Variants in ST3GAL3 observed in about 807,000 individuals in gnomAD.
The protein encoded by ST3GAL3 is CMP-N-acetylneuraminate-beta-1,4-galactoside alpha-2,3-sialyltransferase.
Under a neutral mutation model 50.1 loss-of-function variants are expected in ST3GAL3, and 21 were observed. The ratio of observed to expected loss-of-function variants is 0.42; its 90% CI spans 0.30 to 0.60. ST3GAL3 has a LOEUF of 0.60. Among genes scored for constraint, ST3GAL3 ranks in the 20% least tolerant of loss-of-function variants. The pLI is 0.19. For synonymous variants in ST3GAL3, 183 were observed against 190.0 expected (o/e 0.96, Z 0.30); for missense variants, 353 against 489.4 (o/e 0.72, Z 2.63).
chr1:43,801,234 T>A (rs2059279609), intron 3 of ST3GAL3: 1 of 455,712 alleles, frequency 2.2e-6, no homozygotes, highest in Non-Finnish European at 4.4e-6. Context: ...GCAATATTTG[T>A]GGTTGTCATC....
At chr1:43,750,708 T>C (rs952802661) in intron 2 of ST3GAL3, among the ~76,000 whole-genome samples, 3 of 151,464 alleles carry the variant, frequency 2.0e-5, no homozygotes, top group African/African-American at 7.3e-5. Flanking sequence ...TAGGCAATAT[T>C]GGAAGACCCT....
At chr1:43,845,761 T>C (rs2066149999) in intron 5 of ST3GAL3, among the ~76,000 whole-genome samples, 2 of 152,136 alleles carry the variant, frequency 1.3e-5, no homozygotes. Context: ...ATTTCTCATA[T>C]AAACATTGTA....
chr1:43,841,536 G>A (rs557968369), intron 5 of ST3GAL3: 1 of 152,358 alleles, frequency 6.6e-6, no homozygotes, highest in Admixed American at 6.5e-5. Context: ...TTTGAGACAT[G>A]GCTAGAGCTG....
At chr1:43,768,710 A>T (rs1317478203) in intron 2 of ST3GAL3, among the ~76,000 whole-genome samples, 3 of 152,226 alleles carry the variant, frequency 2.0e-5, no homozygotes, top group Non-Finnish European at 4.4e-5. Flanking sequence ...ACATCATGGA[A>T]AACCTTAGAA....
chr1:43,781,850 T>C (rs888157659), intron 2 of ST3GAL3, among the ~76,000 whole-genome samples: 3 of 152,144 alleles, frequency 2.0e-5, no homozygotes, highest in African/African-American at 7.2e-5. Context: ...ATAAATCTAT[T>C]GGGCAATCTA....
intron 10 of ST3GAL3, 35 bp from the exon 11 acceptor site, chr1:43,920,747 G>A: frequency 1.2e-6 from 2 of 1,614,154 alleles, no homozygotes; most frequent in Non-Finnish European, 1.7e-6. Context: ...GCTGAACTCT[G>A]CATGCCTTCT....
At chr1:43,850,965 C>A in intron 5 of ST3GAL3, 1 of 960,552 alleles carries the variant, frequency 1.0e-6, no homozygotes, top group Non-Finnish European at 1.7e-6. Context: ...GCGGACTTGG[C>A]AGCCTCTCAG....
At chr1:43,869,535 T>G (rs1031392964) in intron 5 of ST3GAL3, among the ~76,000 whole-genome samples, 3 of 152,140 alleles carry the variant, frequency 2.0e-5, no homozygotes, top group Non-Finnish European at 4.4e-5. Flanking sequence ...AGGAGAAGCA[T>G]CTCCCCATTT....
intron 9 of ST3GAL3, among the ~76,000 whole-genome samples, chr1:43,908,547 G>A (rs772318992): frequency 2.6e-5 from 4 of 152,010 alleles, no homozygotes; most frequent in Non-Finnish European, 2.9e-5. Context: ...AAGAACCAAT[G>A]GCCTGCAGGA....
At chr1:43,861,364 T>G (rs1412801645) in intron 5 of ST3GAL3, among the ~76,000 whole-genome samples, 1 of 152,060 alleles carries the variant, frequency 6.6e-6, no homozygotes, top group African/African-American at 2.4e-5. Flanking sequence ...GTGGTAAGTG[T>G]GGTTCTGTCT....
At chr1:43,849,195 T>G (rs1355009764) in intron 5 of ST3GAL3, among the ~76,000 whole-genome samples, 1 of 151,890 alleles carries the variant, frequency 6.6e-6, no homozygotes, top group Non-Finnish European at 1.5e-5. Flanking sequence ...AATTCATCTA[T>G]TTTTGGTTTT....
intron 1 of ST3GAL3, among the ~76,000 whole-genome samples, chr1:43,725,993 T>C (rs1672757144): frequency 6.6e-6 from 1 of 152,150 alleles, no homozygotes; most frequent in African/African-American, 2.4e-5. Context: ...CATTTCTCTA[T>C]ACCATTAAAA....
intron 5 of ST3GAL3, among the ~76,000 whole-genome samples, chr1:43,876,549 G>A (rs1388758102): frequency 6.6e-6 from 1 of 152,204 alleles, no homozygotes; most frequent in East Asian, 1.9e-4. Context: ...TTGGGCCTGA[G>A]TCAGTAATGT....
chr1:43,814,064 G>C (rs2060947179), intron 3 of ST3GAL3, among the ~76,000 whole-genome samples: 1 of 152,094 alleles, frequency 6.6e-6, no homozygotes, highest in Non-Finnish European at 1.5e-5. Flanking sequence ...TGATTCTCCT[G>C]GTTTATTTTC....
intron 11 of ST3GAL3, among the ~76,000 whole-genome samples, chr1:43,925,472 G>A (rs1472824686): frequency 1.3e-5 from 2 of 152,142 alleles, no homozygotes; most frequent in Admixed American, 1.3e-4. Flanking sequence ...GGCCTGCCAC[G>A]TAGTAAGCAC....
intron 3 of ST3GAL3, among the ~76,000 whole-genome samples, chr1:43,808,566 C>A (rs922073413): frequency 1.2e-4 from 18 of 152,160 alleles, no homozygotes; most frequent in Non-Finnish European, 4.4e-5. Context: ...ATGAGGTTAG[C>A]CCTGTAATTG....
Position 43,897,111 on chromosome 1 carries a change from T to A in ST3GAL3, c.398-1124T>A, listed in dbSNP as rs2077504185. Among the ~76,000 whole-genome samples the A allele has an allele frequency of 4.0e-5, 6 of 151,512 alleles. No individual in the cohort carries two copies. In the South Asian group the frequency reaches 1.3e-3, roughly 32 times the overall value. On this transcript the variant is annotated intron_variant, in intron 6 of 11. Transcript: ENST00000347631. The stretch of plus-strand genomic sequence containing the variant: ...TGGTTTTTTTTTTTTTTGGTGGACA[T>A]TCAGCTTGCCTCCACCATTTTGCTA...
chr1:43,771,648 C>T lies in ST3GAL3; in HGVS notation c.119-20454C>T, dbSNP rs140728108. 2.9e-3 allele frequency among the ~76,000 whole-genome samples: 448 copies of T among 152,228 alleles called. 2 individuals are homozygous for T. Among genetic ancestry groups the T allele is most frequent in the African/African-American group, 9.4e-3 (389 of 41,546 alleles). Reference sequence around the variant, plus strand: ...CTGGGATTACAGGCGTGAGCCACCGCGCCCGGCTGGGTGACTTCTTTTGGA... The same window carrying T: ...CTGGGATTACAGGCGTGAGCCACCGTGCCCGGCTGGGTGACTTCTTTTGGA... On this transcript the variant is annotated intron_variant, in intron 2 of 11. Coordinates refer to ENST00000347631, the MANE Select transcript of ST3GAL3 (RefSeq NM_006279.5).
intron 5 of ST3GAL3, among the ~76,000 whole-genome samples, chr1:43,866,698 A>G (rs142347340): frequency 3.0e-4 from 45 of 152,276 alleles, no homozygotes; most frequent in African/African-American, 1.1e-3. Context: ...GGACATTCAG[A>G]TTACTGCACG....
Sources: gnomAD v4.1 joint callset for allele counts (sites outside exome capture counted in the v4.1 genomes callset) on GRCh38, gnomAD v4.1.1 for gene constraint, MANE v1.5 for transcripts, NCBI Gene and HGNC (gene_info 2026-07-23, HGNC 2026-07-21) for gene names.